CTAGE1: variants seen among roughly 807,000 people sequenced by gnomAD.
CTAGE1 encodes cutaneous T cell lymphoma-associated antigen 1.
For synonymous variants in CTAGE1, 332 were observed against 302.8 expected (o/e 1.10, Z -1.00); for missense variants, 963 against 855.9 (o/e 1.13, Z -1.56).
Position 22,416,612 on chromosome 18 carries a change from G to C in CTAGE1, c.1200C>G (p.Thr400=), listed in dbSNP as rs1435175303. ...MISHATEELE[T]YRKRAKDLKE... is the part of the protein sequence containing the mutation. The stretch of plus-strand genomic sequence containing the variant: ...TAAGATCTTTGGCTCGCTTTCGGTA[G>C]GTCTCCAGCTCTTCAGTGGCATGGC... The change falls in exon 1 of 1, where the codon ACC becomes ACG. Residue 400 remains threonine, a synonymous_variant. Coordinates refer to ENST00000391403, the MANE Select transcript of CTAGE1 (RefSeq NM_172241.3). 7 of 1,611,116 alleles carry C rather than the reference G, an allele frequency of 4.3e-6. No individual in the cohort carries two copies. The highest frequency in any genetic ancestry group is 1.3e-5 in the African/African-American group (1 of 74,762).
In CTAGE1 at chr18:22,415,381, T is replaced by C. The variant is rs1457341481; in HGVS notation, c.*193A>G. On this transcript the variant is annotated 3_prime_UTR_variant, in exon 1 of 1. Coordinates refer to ENST00000391403, the MANE Select transcript of CTAGE1 (RefSeq NM_172241.3). ...CAAAATACTATCCTGGGAATTATAGTTCCATTAAGTTTCAATCTGAACAAA... is the reference window on the plus strand; with the variant it reads ...CAAAATACTATCCTGGGAATTATAGCTCCATTAAGTTTCAATCTGAACAAA... 3.7e-6 allele frequency: 2 copies of C among 537,998 alleles called. No homozygotes were observed. The highest frequency in any genetic ancestry group is 3.3e-6 in the Non-Finnish European group (1 of 301,564). The allele number at this position is 537,998 out of a possible 1,614,324, so 33.3% of individuals were successfully genotyped here. A position where few individuals can be genotyped will look rare whatever the true frequency, so the allele number is the denominator to read the frequency against.
chr18:22,416,821 G>A lies in CTAGE1; in HGVS notation c.991C>T (p.Gln331Ter), dbSNP rs774264889. 3 of 1,612,602 alleles carry A rather than the reference G, an allele frequency of 1.9e-6. No individual in the cohort carries two copies. The highest frequency in any genetic ancestry group is 1.7e-6 in the Non-Finnish European group (2 of 1,179,808). ...GTGTTTTCTGACTGCAAAGATGCTTGTTCAGTCTGAAGATTTTTAATATGC... is the reference window on the plus strand; with the variant it reads ...GTGTTTTCTGACTGCAAAGATGCTTATTCAGTCTGAAGATTTTTAATATGC... ...TEHIKNLQTE[Q>*]ASLQSENTHF... The change falls in exon 1 of 1, where the codon CAA (glutamine) becomes TAA (stop). Residue 331 changes from glutamine to a stop codon, truncating the protein, a stop_gained. Transcript: ENST00000391403. LOFTEE classifies it low-confidence loss of function (END_TRUNC).
At position 22,415,566 on chromosome 18, in the gene CTAGE1, T is replaced by C; in HGVS notation, c.*8A>G. The C allele has an allele frequency of 3.2e-6, 5 of 1,584,988 alleles. No homozygotes were observed. The highest frequency in any genetic ancestry group is 4.3e-6 in the Non-Finnish European group (5 of 1,166,304). ...CGGACTCAACCCTGATGGAAACTCA[T>C]TCTACCTTCAGAATGTGGGGGCTGG... On this transcript the variant is annotated 3_prime_UTR_variant, in exon 1 of 1. Transcript: ENST00000391403.
Position 22,414,860 on chromosome 18 carries a change from G to A in CTAGE1, c.*714C>T, listed in dbSNP as rs1236958640. On this transcript the variant is annotated 3_prime_UTR_variant, in exon 1 of 1. Transcript: ENST00000391403. ...AATGATATGATGACAAACATAGGAA[G>A]AAATTAGCTTAGGGAAGACGAAGGG... 1 of 697,684 alleles carries A rather than the reference G, an allele frequency of 1.4e-6. No individual in the cohort carries two copies. The highest frequency in any genetic ancestry group is 2.6e-6 in the Non-Finnish European group (1 of 383,784). 43.2% of individuals were successfully genotyped at this position (697,684 alleles called of 1,614,324 possible). A position where few individuals can be genotyped will look rare whatever the true frequency, so the allele number is the denominator to read the frequency against.
At position 22,415,310 on chromosome 18, in the gene CTAGE1, T is replaced by C; in HGVS notation, c.*264A>G. ...TTATACTATCTAGAATAAAATAAAA[T>C]GAAATAATTTACTCATAAGATTCAT... is the stretch of plus-strand genomic sequence containing the variant. On this transcript the variant is annotated 3_prime_UTR_variant, in exon 1 of 1. Coordinates refer to ENST00000391403, the MANE Select transcript of CTAGE1 (RefSeq NM_172241.3). 1 of 401,850 alleles carries C rather than the reference T, an allele frequency of 2.5e-6. No individual in the cohort carries two copies. The highest frequency in any genetic ancestry group is 4.4e-6 in the Non-Finnish European group (1 of 227,580). The allele number at this position is 401,850 out of a possible 1,614,324, so 24.9% of individuals were successfully genotyped here.
chr18:22,414,582 G>T lies in CTAGE1; in HGVS notation c.*992C>A. The T allele has an allele frequency of 1.5e-6, 1 of 663,008 alleles. No homozygotes were observed. Among genetic ancestry groups the T allele is most frequent in the South Asian group, 1.7e-5 (1 of 59,606 alleles). The allele number at this position is 663,008 out of a possible 1,614,324, so 41.1% of individuals were successfully genotyped here. A position where few individuals can be genotyped will look rare whatever the true frequency, so the allele number is the denominator to read the frequency against. Reference sequence around the variant, plus strand: ...CATTTCATCTTTTAACAGAATTCCAGAGAAGAGAGCTCAATCAGAGATCAA... The same window carrying T: ...CATTTCATCTTTTAACAGAATTCCATAGAAGAGAGCTCAATCAGAGATCAA... On this transcript the variant is annotated 3_prime_UTR_variant, in exon 1 of 1. Coordinates refer to ENST00000391403, the MANE Select transcript of CTAGE1 (RefSeq NM_172241.3).
Position 22,415,738 on chromosome 18 carries a change from G to T in CTAGE1, c.2074C>A (p.Pro692Thr). Residue 692 changes from proline to threonine, a missense_variant, in exon 1 of 1, where the codon CCT becomes ACT. By Grantham distance (38) the Pro-to-Thr change is conservative. Transcript: ENST00000391403. ...IRRGPPFPPP[P>T]PGTVFGASPD... is the part of the protein sequence containing the mutation. ...GAAGCTCCAAACACGGTTCCTGGAG[G>T]AGGTGGGGGGAAAGGAGGTCCTCTT... is the stretch of plus-strand genomic sequence containing the variant. The T allele has an allele frequency of 1.2e-6, 2 of 1,614,082 alleles. No homozygotes were observed. The highest frequency in any genetic ancestry group is 1.7e-6 in the Non-Finnish European group (2 of 1,179,946).
At position 22,417,883 on chromosome 18, in the gene CTAGE1, C is replaced by T. The variant is rs536223689; in HGVS notation, c.-72G>A. The T allele has an allele frequency of 2.0e-6, 3 of 1,473,384 alleles. No homozygotes were observed. Among genetic ancestry groups the T allele is most frequent in the Non-Finnish European group, 2.8e-6 (3 of 1,057,400 alleles). The allele number at this position is 1,473,384 out of a possible 1,614,324, so 91.3% of individuals were successfully genotyped here. A position where few individuals can be genotyped will look rare whatever the true frequency, so the allele number is the denominator to read the frequency against. On this transcript the variant is annotated 5_prime_UTR_variant, in exon 1 of 1. Transcript: ENST00000391403. ...AGCCCCAGGTATGGCTGAGGGTTAG[C>T]CCTAGGCTCCTCCGTAGCGCCAAGG...
chr18:22,416,328 C>A lies in CTAGE1; in HGVS notation c.1484G>T (p.Trp495Leu). 2.5e-6 allele frequency: 4 copies of A among 1,613,978 alleles called. No homozygotes were observed. Among genetic ancestry groups the A allele is most frequent in the Non-Finnish European group, 3.4e-6 (4 of 1,179,864 alleles). ...AGAAGCTCTCGTTTCAGATGAAGGC[C>A]AACCCAATGGTGAGGGACCATATGG... ...HSPYGPSPLG[W>L]PSSETRASLY... Residue 495 changes from tryptophan to leucine, a missense_variant, in exon 1 of 1, where the codon TGG becomes TTG. Transcript: ENST00000391403.
rs2143794362 is a variant in CTAGE1, at chr18:22,417,131, T to C, written c.681A>G (p.Leu227=). Residue 227 remains leucine (L), a synonymous_variant, in exon 1 of 1, where the codon CTA becomes CTG. Transcript: ENST00000391403. The stretch of plus-strand genomic sequence containing the variant: ...TCTTGATGTGATTTTCTTTATCATT[T>C]AGAACTTGTTCTGCATGTACTTTGG... ...EDSKVHAEQV[L]NDKENHIKTL... is the part of the protein sequence containing the mutation. The C allele has an allele frequency of 1.2e-6, 2 of 1,613,916 alleles. No homozygotes were observed. The highest frequency in any genetic ancestry group is 1.3e-5 in the African/African-American group (1 of 75,050).
rs1330968941 is a variant in CTAGE1, at chr18:22,415,691, C to T, written c.2121G>A (p.Arg707=). The T allele has an allele frequency of 1.9e-6, 3 of 1,614,000 alleles. No individual in the cohort carries two copies. Among genetic ancestry groups the T allele is most frequent in the Non-Finnish European group, 2.5e-6 (3 of 1,180,020 alleles). The change falls in exon 1 of 1, where the codon AGG becomes AGA. Residue 707 remains arginine (R), a synonymous_variant. Coordinates refer to ENST00000391403, the MANE Select transcript of CTAGE1 (RefSeq NM_172241.3). The part of the protein sequence containing the change: ...FGASPDYFSP[R]DVPGPPRAPF... ...GAGCACGTGGTGGACCTGGGACATC[C>T]CTTGGAGAAAAATAATCTGGAGAAG...
At position 22,415,348 on chromosome 18, in the gene CTAGE1, C is replaced by G. The variant is rs1268265706; in HGVS notation, c.*226G>C. On this transcript the variant is annotated 3_prime_UTR_variant, in exon 1 of 1. Coordinates refer to ENST00000391403, the MANE Select transcript of CTAGE1 (RefSeq NM_172241.3). Reference sequence around the variant, plus strand: ...TCATAAGATTCATATTTAAATCATCCTCATTTACAAAATACTATCCTGGGA... The same window carrying G: ...TCATAAGATTCATATTTAAATCATCGTCATTTACAAAATACTATCCTGGGA... 7 of 463,742 alleles carry G rather than the reference C, an allele frequency of 1.5e-5. No individual in the cohort carries two copies. Among genetic ancestry groups the G allele is most frequent in the African/African-American group, 4.0e-5 (2 of 49,830 alleles). 28.7% of individuals were successfully genotyped at this position (463,742 alleles called of 1,614,324 possible). A position where few individuals can be genotyped will look rare whatever the true frequency, so the allele number is the denominator to read the frequency against.
chr18:22,416,502 C>A lies in CTAGE1; in HGVS notation c.1310G>T (p.Trp437Leu), dbSNP rs770727097. 8 of 1,613,854 alleles carry A rather than the reference C, an allele frequency of 5.0e-6. No homozygotes were observed. In the African/African-American group the frequency reaches 1.1e-4, roughly 22 times the overall value. The change falls in exon 1 of 1, where the codon TGG becomes TTG. Residue 437 changes from tryptophan (W) to leucine (L), a missense_variant. By Grantham distance (61) the Trp-to-Leu change is moderately conservative (BLOSUM62 -2). Coordinates refer to ENST00000391403, the MANE Select transcript of CTAGE1 (RefSeq NM_172241.3). ...ATCATTGAGGTTTCTTTCAGCAGTCCAAGCTGCCGACCAATTATCATGTGC... is the reference window on the plus strand; with the variant it reads ...ATCATTGAGGTTTCTTTCAGCAGTCAAAGCTGCCGACCAATTATCATGTGC... Reference protein sequence around the residue: ...KKAHDNWSAAWTAERNLNDLR... With the variant: ...KKAHDNWSAALTAERNLNDLR...
Position 22,415,679 on chromosome 18 carries a change from A to C in CTAGE1, c.2133T>G (p.Gly711=), listed in dbSNP as rs955983312. The C allele has an allele frequency of 1.9e-6, 3 of 1,614,126 alleles. No homozygotes were observed. The highest frequency in any genetic ancestry group is 2.5e-6 in the Non-Finnish European group (3 of 1,180,024). Residue 711 remains glycine (G), a synonymous_variant, in exon 1 of 1, where the codon GGT becomes GGG. Transcript: ENST00000391403. ...PDYFSPRDVP[G]PPRAPFAMRN... is the part of the protein sequence containing the mutation. Reference sequence around the variant, plus strand: ...TCATTGCAAATGGAGCACGTGGTGGACCTGGGACATCCCTTGGAGAAAAAT... The same window carrying C: ...TCATTGCAAATGGAGCACGTGGTGGCCCTGGGACATCCCTTGGAGAAAAAT...
Position 22,417,638 on chromosome 18 carries a change from T to G in CTAGE1, c.174A>C (p.Glu58Asp), listed in dbSNP as rs756453443. The stretch of plus-strand genomic sequence containing the variant: ...TAAATTTTTCAAGTAGTTTACATTT[T>G]TCTTCAATTAGTCCAGAAAGTGCCA... The part of the protein sequence containing the change: ...FAVALSGLIE[E>D]KCKLLEKFSL... Residue 58 changes from glutamate (E) to aspartate (D), a missense_variant, in exon 1 of 1, where the codon GAA (glutamate) becomes GAC (aspartate). Glu to Asp is a conservative substitution (Grantham distance 45). Coordinates refer to ENST00000391403, the MANE Select transcript of CTAGE1 (RefSeq NM_172241.3). 2.2e-5 allele frequency: 35 copies of G among 1,614,024 alleles called. No homozygotes were observed. The highest frequency in any genetic ancestry group is 2.8e-5 in the Non-Finnish European group (33 of 1,179,884).
In CTAGE1 at chr18:22,416,536, C is replaced by T; in HGVS notation, c.1276G>A (p.Glu426Lys). The change falls in exon 1 of 1, where the codon GAG becomes AAG. Residue 426 changes from glutamate to lysine, a missense_variant. Coordinates refer to ENST00000391403, the MANE Select transcript of CTAGE1 (RefSeq NM_172241.3). ...HFYQKKIILH[E>K]KKAHDNWSAA... ...GACCAATTATCATGTGCTTTTTTCTCATGGAGAATAATCTTCTTTTGATAA... is the reference window on the plus strand; with the variant it reads ...GACCAATTATCATGTGCTTTTTTCTTATGGAGAATAATCTTCTTTTGATAA... 3.7e-6 allele frequency: 6 copies of T among 1,612,260 alleles called. No homozygotes were observed. Among genetic ancestry groups the T allele is most frequent in the Non-Finnish European group, 5.1e-6 (6 of 1,179,616 alleles).
In CTAGE1 at chr18:22,417,278, T is replaced by A. The variant is rs1375097978; in HGVS notation, c.534A>T (p.Ile178=). 6.2e-7 allele frequency: 1 copy of A among 1,614,002 alleles called. No individual in the cohort carries two copies. Among genetic ancestry groups the A allele is most frequent in the Non-Finnish European group, 8.5e-7 (1 of 1,179,876 alleles). Residue 178 remains isoleucine (I), a synonymous_variant, in exon 1 of 1, where the codon ATA becomes ATT. Transcript: ENST00000391403. ...CAGAATTTTCTTTCCAAGCATCTTG[T>A]ATTTCTATCTCCAACCGTTCTTCAT... The part of the protein sequence containing the change: ...QANEERLEIE[I]QDAWKENSEL...
rs748538383 is a variant in CTAGE1 at position 22,415,939 on chromosome 18, G to A, written c.1873C>T (p.Pro625Ser). Residue 625 changes from proline to serine, a missense_variant, in exon 1 of 1, where the codon CCT (proline) becomes TCT (serine). Coordinates refer to ENST00000391403, the MANE Select transcript of CTAGE1 (RefSeq NM_172241.3). The stretch of plus-strand genomic sequence containing the variant: ...TTTCTACTGGATTCCATTTCTGAAG[G>A]CATTGACCCATCCATTTTATCCAAA... ...PSLDKMDGSMPSEMESSRNDT... is the reference protein window; with the variant it reads ...PSLDKMDGSMSSEMESSRNDT... The A allele has an allele frequency of 2.5e-6, 4 of 1,613,786 alleles. No homozygotes were observed. In the African/African-American group the frequency reaches 4.0e-5, roughly 16 times the overall value.
chr18:22,416,496 G>T lies in CTAGE1; in HGVS notation c.1316C>A (p.Ala439Asp), dbSNP rs1203893764. The T allele has an allele frequency of 6.2e-6, 10 of 1,613,988 alleles. No individual in the cohort carries two copies. The highest frequency in any genetic ancestry group is 8.5e-6 in the Non-Finnish European group (10 of 1,179,972). Residue 439 changes from alanine to aspartate, a missense_variant, in exon 1 of 1, where the codon GCT (alanine) becomes GAT (aspartate). Physicochemically the swap from Ala to Asp is moderately radical, Grantham distance 126. Coordinates refer to ENST00000391403, the MANE Select transcript of CTAGE1 (RefSeq NM_172241.3). ...AHDNWSAAWT[A>D]ERNLNDLRKE... is the part of the protein sequence containing the mutation. ...CCTTAAATCATTGAGGTTTCTTTCA[G>T]CAGTCCAAGCTGCCGACCAATTATC...
Sources: allele counts gnomAD v4.1 joint callset, GRCh38; gene constraint gnomAD v4.1.1; transcripts MANE v1.5; gene names NCBI Gene and HGNC (gene_info 2026-07-23, HGNC 2026-07-21).